RPS6KA4: variants seen among roughly 807,000 people sequenced by gnomAD.
The protein encoded by RPS6KA4 is ribosomal protein S6 kinase A4.
A neutral mutation model predicts 89.6 loss-of-function variants in RPS6KA4; 38 were observed. The observed-to-expected ratio is 0.42, with a 90% CI of 0.33 to 0.56. RPS6KA4 has a LOEUF of 0.56. Ranked by LOEUF, RPS6KA4 falls within the 20% of genes least tolerant of loss-of-function variation. The pLI, the probability that RPS6KA4 is intolerant of heterozygous loss-of-function variation, is 0.07. For synonymous variants in RPS6KA4, 495 were observed against 492.8 expected (o/e 1.00, Z -0.06); for missense variants, 873 against 1,098.8 (o/e 0.79, Z 2.90).
Position 64,368,261 on chromosome 11 carries a change from G to GTGGGC in RPS6KA4, c.1200+16_1200+20dup, listed in dbSNP as rs752735910. ...GGTGGCCAGGAGCGCTATGATGCAG[G>GTGGGC]TGGGCTGGGCTGGGCTGGGTTGGGG... On this transcript the variant is annotated splice_donor_variant, in intron 10 of 16. Transcript: ENST00000334205. LOFTEE classifies it high-confidence loss of function. 1.1e-5 allele frequency: 18 copies of GTGGGC among 1,613,190 alleles called. No homozygotes were observed. In the African/African-American group the frequency reaches 1.6e-4, roughly 14 times the overall value.
chr11:64,366,159 C>T lies in RPS6KA4; in HGVS notation c.1071+694C>T, dbSNP rs186493401. Among the ~76,000 whole-genome samples the T allele has an allele frequency of 3.3e-3, 476 of 142,942 alleles. 3 individuals carry two copies. Among genetic ancestry groups the T allele is most frequent in the Middle Eastern group, 0.021 (6 of 286 alleles). 93.8% of individuals were successfully genotyped at this position (142,942 alleles called of 152,430 possible). On this transcript the variant is annotated intron_variant, in intron 9 of 16. Transcript: ENST00000334205. ...GGTACACTCCTGGAGGGTCAGGTCC[C>T]CTCCACCGAATTTTTTTTTTTTTTT...
intron 8 of RPS6KA4, among the ~76,000 whole-genome samples, chr11:64,363,063 G>A (rs1224890120): frequency 6.6e-6 from 1 of 152,224 alleles, no homozygotes; most frequent in African/African-American, 2.4e-5. Flanking sequence ...ATGGAGCTCA[G>A]ATTCAACCCA....
At position 64,368,786 on chromosome 11, in the gene RPS6KA4, C is replaced by A; in HGVS notation, c.1417C>A (p.His473Asn). Reference sequence around the variant, plus strand: ...CAACGTGGTGAATCTGCACGAGGTGCATCACGACCAGGTGATGGCTTCCGG... The same window carrying A: ...CAACGTGGTGAATCTGCACGAGGTGAATCACGACCAGGTGATGGCTTCCGG... ...HPNVVNLHEV[H>N]HDQLHTYLVL... is the part of the protein sequence containing the mutation. The change falls in exon 12 of 17, where the codon CAT becomes AAT. Residue 473 changes from histidine to asparagine, a missense_variant. Around this residue, in one of 4 missense-constraint regions of RPS6KA4, gnomAD observed 542 missense variants for 736.4 expected, o/e 0.74. Transcript: ENST00000334205. 6.4e-7 allele frequency: 1 copy of A among 1,562,208 alleles called. No individual in the cohort carries two copies. The highest frequency in any genetic ancestry group is 1.4e-5 in the African/African-American group (1 of 73,780).
At chr11:64,368,977 G>C (rs2135344218) in intron 12 of RPS6KA4, among the ~76,000 whole-genome samples, 180 bp downstream of exon 12, 1 of 152,230 alleles carries the variant, frequency 6.6e-6, no homozygotes, top group African/African-American at 2.4e-5. Flanking sequence ...GGACGGGAAG[G>C]CGGAGCTGAG....
At chr11:64,367,574 G>A (rs1333923405) in intron 9 of RPS6KA4, among the ~76,000 whole-genome samples, 1 of 152,198 alleles carries the variant, frequency 6.6e-6, no homozygotes, top group African/African-American at 2.4e-5. Context: ...GCCTCCCAAA[G>A]TACTGGGATT....
chr11:64,364,090 G>A (rs1480150393), intron 8 of RPS6KA4, among the ~76,000 whole-genome samples: 6 of 151,466 alleles, frequency 4.0e-5, no homozygotes, highest in Admixed American at 6.6e-5. Context: ...CAGGGCTGCC[G>A]CAGTGTCTTC....
At position 64,372,149 on chromosome 11, in the gene RPS6KA4, T is replaced by C. The variant is rs1043019088; in HGVS notation, c.*669T>C. The C allele has an allele frequency of 2.0e-5, 3 of 152,780 alleles. No individual in the cohort carries two copies. Among genetic ancestry groups the C allele is most frequent in the African/African-American group, 4.8e-5 (2 of 41,462 alleles). The allele number at this position is 152,780 out of a possible 1,614,324, so 9.5% of individuals were successfully genotyped here. A position where few individuals can be genotyped will look rare whatever the true frequency, so the allele number is the denominator to read the frequency against. ...GTCTGGGCTGGGCATCCATGGTCAC[T>C]GCCTCAGCCCAGCCAGGCTGTGCCT... On this transcript the variant is annotated 3_prime_UTR_variant, in exon 17 of 17. Transcript: ENST00000334205.
chr11:64,366,041 A>C (rs72926005), intron 9 of RPS6KA4, among the ~76,000 whole-genome samples: 44,658 of 151,240 alleles, frequency 0.3, 7,763 homozygotes, highest in Non-Finnish European at 0.38. Flanking sequence ...TCCGTCTCAA[A>C]AAAAAAAAAA....
intron 9 of RPS6KA4, among the ~76,000 whole-genome samples, chr11:64,366,150 G>T (rs1224214930): frequency 6.6e-6 from 1 of 151,002 alleles, no homozygotes; most frequent in Non-Finnish European, 1.5e-5. Context: ...CTCCTGGAGG[G>T]TCAGGTCCCC....
chr11:64,364,869 A>G (rs144054244), intron 8 of RPS6KA4, among the ~76,000 whole-genome samples: 5,932 of 149,998 alleles, frequency 0.04, 158 homozygotes, highest in Non-Finnish European at 0.059. Context: ...CCTTCTGAGT[A>G]GCTGGGATTA....
intron 12 of RPS6KA4, 39 bp from the exon 13 acceptor site, chr11:64,369,407 T>A (rs1307868452): frequency 1.0e-5 from 16 of 1,525,318 alleles, no homozygotes; most frequent in African/African-American, 2.8e-5. Flanking sequence ...CTTGCCGCCG[T>A]GGGTGGGTGT....
intron 8 of RPS6KA4, among the ~76,000 whole-genome samples, chr11:64,362,281 A>G (rs988828881): frequency 2.6e-5 from 4 of 152,246 alleles, no homozygotes; most frequent in African/African-American, 9.6e-5. Flanking sequence ...CAGAGAAGGC[A>G]GGTGACCTGC....
chr11:64,366,908 C>T (rs368269355), intron 9 of RPS6KA4, among the ~76,000 whole-genome samples: 23 of 152,116 alleles, frequency 1.5e-4, no homozygotes, highest in African/African-American at 5.6e-4. Context: ...CTGGATAAGT[C>T]CCTTCTCTGA....
At chr11:64,363,094 C>T (rs1294168518) in intron 8 of RPS6KA4, among the ~76,000 whole-genome samples, 1 of 152,220 alleles carries the variant, frequency 6.6e-6, no homozygotes, top group African/African-American at 2.4e-5. Flanking sequence ...GCTTGAATGC[C>T]TGTGCTTAAT....
In RPS6KA4 at chr11:64,371,337, C is replaced by T. The variant is rs2037066742; in HGVS notation, c.2176C>T (p.Pro726Ser). Reference protein sequence around the residue: ...GFFLKSVENAPLAKRRKQKLR... With the variant: ...GFFLKSVENASLAKRRKQKLR... ...CTTCCTGAAGAGCGTGGAGAATGCA[C>T]CCCTGGCCAAGCGGCGGAAGCAGAA... Residue 726 changes from proline (P) to serine (S), a missense_variant, in exon 17 of 17, where the codon CCC becomes TCC. Coordinates refer to ENST00000334205, the MANE Select transcript of RPS6KA4 (RefSeq NM_003942.3). 3 of 1,612,704 alleles carry T rather than the reference C, an allele frequency of 1.9e-6. No homozygotes were observed. The highest frequency in any genetic ancestry group is 1.1e-5 in the South Asian group (1 of 91,064).
intron 2 of RPS6KA4, chr11:64,359,711 G>A: frequency 5.4e-6 from 3 of 558,234 alleles, no homozygotes; most frequent in Non-Finnish European, 9.6e-6. Context: ...GGGGACTGGC[G>A]CCCCTCTCAA....
Position 64,370,254 on chromosome 11 carries a change from C to T in RPS6KA4, c.1827C>T (p.Phe609=). ...TGATGCTGTCGGGGCAGGTCCCCTT[C>T]CAGGGGGCCTCTGGCCAGGGCGGGC... ...LYMMLSGQVP[F]QGASGQGGQS... Residue 609 remains phenylalanine, a synonymous_variant, in exon 15 of 17, where the codon TTC becomes TTT. Transcript: ENST00000334205. The surrounding 1 kb of genome is among the most constrained non-coding windows in gnomAD (Gnocchi z 4.1). 6.4e-7 allele frequency: 1 copy of T among 1,573,672 alleles called. No individual in the cohort carries two copies. Among genetic ancestry groups the T allele is most frequent in the South Asian group, 1.2e-5 (1 of 84,912 alleles).
Position 64,361,823 on chromosome 11 carries a change from T to C in RPS6KA4, c.756-29T>C. The C allele has an allele frequency of 6.3e-7, 1 of 1,584,930 alleles. No homozygotes were observed. The highest frequency in any genetic ancestry group is 8.6e-7 in the Non-Finnish European group (1 of 1,168,816). On this transcript the variant is annotated intron_variant, in intron 7 of 16. Coordinates refer to ENST00000334205, the MANE Select transcript of RPS6KA4 (RefSeq NM_003942.3). The surrounding 1 kb of genome is among the most constrained non-coding windows in gnomAD (Gnocchi z 4.7). ...GCAGGGCTGTGGGTGGGGGGCTTGC[T>C]GCCCCTGACACCCCCCCAATCCTCC...
At position 64,368,443 on chromosome 11, in the gene RPS6KA4, C is replaced by CCTTCGA. The variant is rs1365529019; in HGVS notation, c.1201-20_1201-19insACTTCG. 5.8e-6 allele frequency: 9 copies of CCTTCGA among 1,545,370 alleles called. No individual in the cohort carries two copies. In the South Asian group the frequency reaches 1.1e-4, roughly 18 times the overall value. ...TGGGACCTCTGACGCGCCGCCTTCG[C>CCTTCGA]CTTCGCCTTCGCCTTCGCCTCCAGG... On this transcript the variant is annotated intron_variant, in intron 10 of 16. Transcript: ENST00000334205.
Sources: gnomAD v4.1 joint callset for allele counts (sites outside exome capture counted in the v4.1 genomes callset) on GRCh38, gnomAD v4.1.1 for gene constraint, gnomAD v4.1.1 regional missense constraint, Gnocchi (gnomAD v3.1) non-coding constraint, MANE v1.5 for transcripts, NCBI Gene and HGNC (gene_info 2026-07-23, HGNC 2026-07-21) for gene names.